TTN: variants seen among roughly 807,000 people sequenced by gnomAD.
The protein encoded by TTN is connectin.
A neutral mutation model predicts 3,223.0 loss-of-function variants in TTN; 1,525 were observed. That is an observed-to-expected ratio of 0.47 (90% CI 0.45 to 0.49). The LOEUF (loss-of-function observed/expected upper bound fraction) is 0.49. Among genes scored for constraint, TTN ranks in the 20% least tolerant of loss-of-function variants. The pLI is 0.00. For synonymous variants in TTN, 14,094 were observed against 15,161.0 expected, an observed-to-expected ratio of 0.93 and a Z score of 5.17; for missense variants, 40,786 against 43,424.0, an observed-to-expected ratio of 0.94 and a Z score of 5.40.
At position 178,776,005 on chromosome 2, in the gene TTN, T is replaced by C; in HGVS notation, c.5859A>G (p.Glu1953=). ...PEPRPEFHVH[E]PGKLQFEVQK... is the part of the protein sequence containing the mutation. ...GTACTTCAAACTGAAGCTTTCCTGG[T>C]TCATGTACGTGAAACTCAGGCCTTG... The change falls in exon 28 of 363, where the codon GAA becomes GAG. Residue 1953 remains glutamate (E), a synonymous_variant. Coordinates refer to ENST00000589042, the MANE Select transcript of TTN (RefSeq NM_001267550.2). 6.2e-7 allele frequency: 1 copy of C among 1,614,168 alleles called. No individual in the cohort carries two copies. Among genetic ancestry groups the C allele is most frequent in the Non-Finnish European group, 8.5e-7 (1 of 1,180,000 alleles).
rs2154300464 is a variant in TTN at position 178,720,144 on chromosome 2, C to T, written c.23498G>A (p.Gly7833Asp). 6 of 1,613,784 alleles carry T rather than the reference C, an allele frequency of 3.7e-6. No homozygotes were observed. Among genetic ancestry groups the T allele is most frequent in the Admixed American group, 1.7e-5 (1 of 60,006 alleles). ...PISVVWLKDR[G>D]EVIRESENTR... is the part of the protein sequence containing the mutation. Reference sequence around the variant, plus strand: ...ATTTTCACTCTCTCTGATGACTTCACCTCTATCTTTCAGCCAGACAACAGA... The same window carrying T: ...ATTTTCACTCTCTCTGATGACTTCATCTCTATCTTTCAGCCAGACAACAGA... The change falls in exon 81 of 363, where the codon GGT becomes GAT. Residue 7833 changes from glycine to aspartate, a missense_variant. Physicochemically the swap from Gly to Asp is moderately conservative, Grantham distance 94 (BLOSUM62 -1). Transcript: ENST00000589042.
chr2:178,698,125 G>T (rs1003462316), intron 112 of TTN, among the ~76,000 whole-genome samples: 4 of 152,212 alleles, frequency 2.6e-5, no homozygotes, highest in Non-Finnish European at 5.9e-5. Context: ...TATGCTAAGT[G>T]AAATAAGCCA....
chr2:178,727,923 G>A (rs1296654157), intron 67 of TTN, 60 bp from the exon 68 acceptor site: 1 of 1,484,482 alleles, frequency 6.7e-7, no homozygotes, highest in East Asian at 2.3e-5. Flanking sequence ...TATTGTGACA[G>A]TTTTATGGAC....
chr2:178,660,979 C>T (rs1202416167), intron 180 of TTN, among the ~76,000 whole-genome samples: 1 of 118,554 alleles, frequency 8.4e-6, no homozygotes, highest in Non-Finnish European at 1.8e-5. Context: ...AATGAGATAC[C>T]ATCTCACACC....
Position 178,733,821 on chromosome 2 carries a change from C to A in TTN, c.15568G>T (p.Ala5190Ser). Residue 5190 changes from alanine (A) to serine (S), a missense_variant, in exon 53 of 363, where the codon GCT becomes TCT. Physicochemically the swap from Ala to Ser is moderately conservative, Grantham distance 99. Coordinates refer to ENST00000589042, the MANE Select transcript of TTN (RefSeq NM_001267550.2). ...GAAATGGGCTCTGACCCTCTCACAG[C>A]AGCTTGCAGGGTAACGGTTTGTCCT... ...LGGQTVTLQA[A>S]VRGSEPISVT... is the part of the protein sequence containing the mutation. 1 of 1,613,762 alleles carries A rather than the reference C, an allele frequency of 6.2e-7. No individual in the cohort carries two copies. The highest frequency in any genetic ancestry group is 8.5e-7 in the Non-Finnish European group (1 of 1,179,718).
intron 47 of TTN, chr2:178,748,513 A>C: frequency 1.9e-6 from 3 of 1,613,088 alleles, no homozygotes; most frequent in Non-Finnish European, 2.5e-6. Context: ...GGAACTCCAG[A>C]GCTGGATCTC....
Position 178,681,735 on chromosome 2 carries a change from G to T in TTN, c.33098C>A (p.Pro11033Gln), listed in dbSNP as rs941493198. The change falls in exon 136 of 363, where the codon CCA (proline) becomes CAA (glutamine). Residue 11033 changes from proline (P) to glutamine (Q), a missense_variant. Pro to Gln is a moderately conservative substitution (Grantham distance 76, BLOSUM62 -1). Coordinates refer to ENST00000589042, the MANE Select transcript of TTN (RefSeq NM_001267550.2). ...AGGCTTTACAGGGATAGGCTTCTCTGGTTCTTTAAAAGTACATACAAGGTA... is the reference window on the plus strand; with the variant it reads ...AGGCTTTACAGGGATAGGCTTCTCTTGTTCTTTAAAAGTACATACAAGGTA... ...YEEHEEYITE[P>Q]EKPIPVKPVP... 1.3e-6 allele frequency: 2 copies of T among 1,590,124 alleles called. No individual in the cohort carries two copies. The highest frequency in any genetic ancestry group is 1.2e-5 in the South Asian group (1 of 85,020).
At position 178,552,973 on chromosome 2, in the gene TTN, G is replaced by T; in HGVS notation, c.89927C>A (p.Thr29976Asn). 6.2e-7 allele frequency: 1 copy of T among 1,612,754 alleles called. No individual in the cohort carries two copies. ...INYVIEKRDA[T>N]KRTWSVVSHK... ...TGACACGACAGACCATGTTCTCTTG[G>T]TGGCATCTCTCTTTTCAATGACATA... The change falls in exon 335 of 363, where the codon ACC (threonine) becomes AAC (asparagine). Residue 29976 changes from threonine (T) to asparagine (N), a missense_variant. Thr to Asn is a moderately conservative substitution (Grantham distance 65, BLOSUM62 0). Transcript: ENST00000589042.
chr2:178,549,511 C>A, intron 338 of TTN, 38 bp from the exon 339 acceptor site: 3 of 1,592,076 alleles, frequency 1.9e-6, no homozygotes, highest in Non-Finnish European at 2.6e-6. Flanking sequence ...CAATTAGATG[C>A]ATTTGCTTGG....
At position 178,582,346 on chromosome 2, in the gene TTN, C is replaced by T. The variant is rs750482174; in HGVS notation, c.66110G>A (p.Gly22037Glu). 5 of 1,609,230 alleles carry T rather than the reference C, an allele frequency of 3.1e-6. No homozygotes were observed. Among genetic ancestry groups the T allele is most frequent in the Non-Finnish European group, 4.2e-6 (5 of 1,177,210 alleles). ...TTCAGTGAAGACTGGATCGCCTACT[C>T]CATATTTATTTTCAGCACAAATACG... ...QFRICAENKY[G>E]VGDPVFTEPA... The change falls in exon 314 of 363, where the codon GGA becomes GAA. Residue 22037 changes from glycine to glutamate, a missense_variant. Transcript: ENST00000589042.
intron 6 of TTN, among the ~76,000 whole-genome samples, chr2:178,796,526 G>C (rs561174323): frequency 6.6e-6 from 1 of 152,166 alleles, no homozygotes; most frequent in African/African-American, 2.4e-5. Context: ...TTTACATTTT[G>C]TAAATGAAGT....
In TTN at chr2:178,580,481, C is replaced by T. The variant is rs200343420; in HGVS notation, c.66898G>A (p.Val22300Ile). ...AGTCCAATCCTGTCTCTTAGATTGA[C>T]ATTTGGTTTAGACCAAGTAATCTTT... Reference protein sequence around the residue: ...PPKITWSKPNVNLRDRIGLDI... With the variant: ...PPKITWSKPNINLRDRIGLDI... Residue 22300 changes from valine to isoleucine, a missense_variant, in exon 317 of 363, where the codon GTC (valine) becomes ATC (isoleucine). Coordinates refer to ENST00000589042, the MANE Select transcript of TTN (RefSeq NM_001267550.2). 293 of 1,613,006 alleles carry T rather than the reference C, an allele frequency of 1.8e-4. No individual in the cohort carries two copies. The African/African-American group carries it at 3.4e-3, about 19-fold the overall frequency.
In TTN at chr2:178,608,340, G is replaced by T. The variant is rs1576373600; in HGVS notation, c.52543C>A (p.His17515Asn). The change falls in exon 275 of 363, where the codon CAT becomes AAT. Residue 17515 changes from histidine (H) to asparagine (N), a missense_variant. By Grantham distance (68) the His-to-Asn change is moderately conservative. Coordinates refer to ENST00000589042, the MANE Select transcript of TTN (RefSeq NM_001267550.2). ...AGGCTTTTGTTGACACGAGACCAATGTGTACTGTTAACTTCACGTTTTTCA... is the reference window on the plus strand; with the variant it reads ...AGGCTTTTGTTGACACGAGACCAATTTGTACTGTTAACTTCACGTTTTTCA... The part of the protein sequence containing the change: ...WLEKREVNST[H>N]WSRVNKSLLN... 4.3e-6 allele frequency: 7 copies of T among 1,612,230 alleles called. No homozygotes were observed. In the South Asian group the frequency reaches 7.7e-5, roughly 18 times the overall value.
rs971966048 is a variant in TTN, at chr2:178,571,513, C to T, written c.74619G>A (p.Leu24873=). The T allele has an allele frequency of 1.9e-6, 3 of 1,613,172 alleles. No individual in the cohort carries two copies. Among genetic ancestry groups the T allele is most frequent in the African/African-American group, 1.3e-5 (1 of 74,894 alleles). The part of the protein sequence containing the change: ...VARTTIKACR[L]KTGCEYQFRI... ...TAAACTGATATTCACATCCAGTCTT[C>T]AGTCTGCAAGCCTTTATTGTTGTCC... Residue 24873 remains leucine (L), a synonymous_variant, in exon 326 of 363, where the codon CTG becomes CTA. Coordinates refer to ENST00000589042, the MANE Select transcript of TTN (RefSeq NM_001267550.2).
Position 178,580,566 on chromosome 2 carries a change from G to T in TTN, c.66813C>A (p.Leu22271=). The change falls in exon 317 of 363, where the codon CTC becomes CTA. Residue 22271 remains leucine (L), a synonymous_variant. Coordinates refer to ENST00000589042, the MANE Select transcript of TTN (RefSeq NM_001267550.2). ...TCATAGTAACTCCAGCACGTAATATGAGTGTCTTCCTTAAGTCCGCATCAA... is the reference window on the plus strand; with the variant it reads ...TCATAGTAACTCCAGCACGTAATATTAGTGTCTTCCTTAAGTCCGCATCAA... ...GELDADLRKT[L]ILRAGVTMRL... 6.2e-7 allele frequency: 1 copy of T among 1,612,352 alleles called. No homozygotes were observed. The highest frequency in any genetic ancestry group is 8.5e-7 in the Non-Finnish European group (1 of 1,179,164).
rs762183796 is a variant in TTN, at chr2:178,593,366, G to A, written c.58842C>T (p.Ile19614=). ...TAGACATAGTTTCTCTCTTTTCCAG[G>A]ATGTAGTTTGTGATGGGTTTTCCTC... ...HDGGKPITNY[I]LEKRETMSKR... Residue 19614 remains isoleucine, a synonymous_variant, in exon 299 of 363, where the codon ATC becomes ATT. Coordinates refer to ENST00000589042, the MANE Select transcript of TTN (RefSeq NM_001267550.2). 14 of 1,613,204 alleles carry A rather than the reference G, an allele frequency of 8.7e-6. No individual in the cohort carries two copies. The highest frequency in any genetic ancestry group is 1.1e-5 in the Non-Finnish European group (13 of 1,179,576).
rs1405778745 is a variant in TTN at position 178,544,510 on chromosome 2, TGGAA to T, written c.95723-8_95723-5del. 3 of 1,582,086 alleles carry T rather than the reference TGGAA, an allele frequency of 1.9e-6. No individual in the cohort carries two copies. The African/African-American group carries it at 4.1e-5, about 21-fold the overall frequency. On this transcript the variant is annotated splice_region_variant and splice_polypyrimidine_tract_variant and intron_variant, in intron 344 of 362. Transcript: ENST00000589042. ...GCAGAAGGTGGTCCAGGGGTATCTG[TGGAA>T]TTTAAAAAGTGAGATGCAGATATTA...
Position 178,566,609 on chromosome 2 carries a change from C to T in TTN, c.79523G>A (p.Trp26508Ter). 6.2e-7 allele frequency: 1 copy of T among 1,612,466 alleles called. No individual in the cohort carries two copies. The highest frequency in any genetic ancestry group is 8.5e-7 in the Non-Finnish European group (1 of 1,179,660). ...GCCGCCATCATAGATGGGTTTACCC[C>T]AGGCAAGTGTGATTGAATTTTTAGT... ...DTTKNSITLA[W>*]GKPIYDGGSE... The change falls in exon 326 of 363, where the codon TGG (tryptophan) becomes TAG (stop). Residue 26508 changes from tryptophan to a stop codon, truncating the protein, a stop_gained. Coordinates refer to ENST00000589042, the MANE Select transcript of TTN (RefSeq NM_001267550.2). LOFTEE classifies it high-confidence loss of function.
At position 178,730,058 on chromosome 2, in the gene TTN, AC is replaced by A. The variant is rs775362486; in HGVS notation, c.18307+34del. The A allele has an allele frequency of 1.7e-5, 27 of 1,594,608 alleles. No homozygotes were observed. In the Admixed American group the frequency reaches 4.3e-4, roughly 25 times the overall value. ...GCCCACCCCAGGCAAGAAAATCTAG[AC>A]AAGCAAGAAAGTGAGGAGATGTAGA... On this transcript the variant is annotated intron_variant, in intron 62 of 362. Coordinates refer to ENST00000589042, the MANE Select transcript of TTN (RefSeq NM_001267550.2).
Sources: gnomAD v4.1 joint callset for allele counts (sites outside exome capture counted in the v4.1 genomes callset) on GRCh38, gnomAD v4.1.1 for gene constraint, MANE v1.5 for transcripts, NCBI Gene and HGNC (gene_info 2026-07-23, HGNC 2026-07-21) for gene names.